Variants in KHDRBS3 observed in about 807,000 individuals in gnomAD.
KHDRBS3 encodes the protein KH domain-containing, RNA-binding, signal transduction-associated protein 3.
Under a neutral mutation model 45.6 loss-of-function variants are expected in KHDRBS3, and 23 were observed. The ratio of observed to expected loss-of-function variants is 0.50; its 90% CI spans 0.36 to 0.72. The LOEUF (loss-of-function observed/expected upper bound fraction) is 0.72. Among genes scored for constraint, KHDRBS3 ranks in the 30% least tolerant of loss-of-function variants. KHDRBS3 has a pLI of 0.00. For synonymous variants in KHDRBS3, 162 were observed against 156.5 expected, an observed-to-expected ratio of 1.04 and a Z score of -0.26; for missense variants, 352 against 424.8, an observed-to-expected ratio of 0.83 and a Z score of 1.51.
At chr8:135,467,052 G>C (rs1821732798) in intron 1 of KHDRBS3, among the ~76,000 whole-genome samples, 1 of 152,156 alleles carries the variant, frequency 6.6e-6, no homozygotes, top group African/African-American at 2.4e-5. Flanking sequence ...CCCTGATGTG[G>C]TTATTATGCA....
chr8:135,498,913 A>G (rs1015131003), intron 1 of KHDRBS3, among the ~76,000 whole-genome samples: 9 of 151,646 alleles, frequency 5.9e-5, no homozygotes, highest in Admixed American at 2.6e-4. Context: ...TGTCATGGAC[A>G]GAACTGGGTA....
At chr8:135,639,991 G>T in intron 7 of KHDRBS3, among the ~76,000 whole-genome samples, 1 of 152,182 alleles carries the variant, frequency 6.6e-6, no homozygotes, top group East Asian at 1.9e-4. Flanking sequence ...AGAAAAAAGT[G>T]GAGAGGGTTG....
At chr8:135,594,500 CAT>C (rs1828886093) in intron 6 of KHDRBS3, among the ~76,000 whole-genome samples, 1 of 152,170 alleles carries the variant, frequency 6.6e-6, no homozygotes, top group Admixed American at 6.5e-5. Context: ...GGGCTTATCA[CAT>C]GAGATTGTTA....
intron 2 of KHDRBS3, among the ~76,000 whole-genome samples, chr8:135,526,681 C>G (rs1750419590): frequency 6.6e-6 from 1 of 152,158 alleles, no homozygotes; most frequent in South Asian, 2.1e-4. Context: ...CAAGAGAGAA[C>G]TACTGTTTGT....
At chr8:135,481,619 T>C (rs1822584048) in intron 1 of KHDRBS3, among the ~76,000 whole-genome samples, 1 of 152,210 alleles carries the variant, frequency 6.6e-6, no homozygotes, top group Non-Finnish European at 1.5e-5. Flanking sequence ...ACCAGCCAAA[T>C]AATTTCTTTA....
intron 1 of KHDRBS3, among the ~76,000 whole-genome samples, chr8:135,493,394 A>G (rs1229888276): frequency 6.6e-6 from 1 of 152,162 alleles, no homozygotes; most frequent in Non-Finnish European, 1.5e-5. Context: ...GGGAAAAATC[A>G]TCCAATCTTT....
chr8:135,532,897 T>TATA (rs1825551218), intron 2 of KHDRBS3, among the ~76,000 whole-genome samples: 3 of 152,156 alleles, frequency 2.0e-5, no homozygotes, highest in African/African-American at 7.2e-5. Context: ...ACAGTGCAGG[T>TATA]CTCACAAAGG....
At chr8:135,466,134 CT>C (rs1821686148) in intron 1 of KHDRBS3, among the ~76,000 whole-genome samples, 1 of 152,110 alleles carries the variant, frequency 6.6e-6, no homozygotes, top group African/African-American at 2.4e-5. Flanking sequence ...ACGTGCATTG[CT>C]TTTGATTTTC....
At chr8:135,515,256 C>G (rs1824518609) in intron 1 of KHDRBS3, among the ~76,000 whole-genome samples, 1 of 150,900 alleles carries the variant, frequency 6.6e-6, no homozygotes, top group Non-Finnish European at 1.5e-5. Context: ...GTCCCAGCTA[C>G]TGGGGAGGCT....
chr8:135,475,833 C>T (rs534991099), intron 1 of KHDRBS3, among the ~76,000 whole-genome samples: 8 of 152,266 alleles, frequency 5.3e-5, no homozygotes, highest in South Asian at 4.2e-4. Flanking sequence ...AGTGAGAACA[C>T]AGGCTCTTCT....
At chr8:135,563,054 C>G (rs575784284) in intron 5 of KHDRBS3, among the ~76,000 whole-genome samples, 7 of 152,278 alleles carry the variant, frequency 4.6e-5, no homozygotes, top group African/African-American at 1.7e-4. Flanking sequence ...CCAGTCTAAT[C>G]CACACTACTC....
At chr8:135,516,198 A>G (rs2130620221) in intron 1 of KHDRBS3, among the ~76,000 whole-genome samples, 1 of 152,350 alleles carries the variant, frequency 6.6e-6, no homozygotes, top group South Asian at 2.1e-4. Flanking sequence ...ATACAGTGCA[A>G]AAGACAAAAC....
intron 1 of KHDRBS3, among the ~76,000 whole-genome samples, chr8:135,464,460 G>GCAGCCGA (rs1821594502): frequency 6.6e-6 from 1 of 152,176 alleles, no homozygotes; most frequent in Non-Finnish European, 1.5e-5. Context: ...AGTGCTCTTT[G>GCAGCCGA]TATTTTAATA....
chr8:135,598,237 T>C (rs1490718020), intron 6 of KHDRBS3, among the ~76,000 whole-genome samples: 4 of 152,224 alleles, frequency 2.6e-5, no homozygotes, highest in Non-Finnish European at 5.9e-5. Context: ...ATCTGACAGC[T>C]TGAGAGTGTT....
intron 1 of KHDRBS3, among the ~76,000 whole-genome samples, chr8:135,495,517 A>T (rs1457437306): frequency 6.6e-6 from 1 of 152,362 alleles, no homozygotes; most frequent in East Asian, 1.9e-4. Context: ...CAGGCAGAAC[A>T]TGATATCAGT....
intron 1 of KHDRBS3, among the ~76,000 whole-genome samples, chr8:135,503,219 T>C (rs1470669144): frequency 1.3e-5 from 2 of 152,254 alleles, no homozygotes; most frequent in African/African-American, 2.4e-5. Context: ...AAAACACTTT[T>C]CAATGTTAGG....
At chr8:135,523,418 GTT>G (rs61252148) in intron 2 of KHDRBS3, among the ~76,000 whole-genome samples, 12 of 151,560 alleles carry the variant, frequency 7.9e-5, no homozygotes, top group African/African-American at 2.9e-4. Context: ...CTATTTTCCA[GTT>G]TTTTTTCTAA....
rs1163434225 is a variant in KHDRBS3 at position 135,458,941 on chromosome 8, C to G, written c.88+987C>G. ...TTAAGCCTTCCTTCCTGGGAGCAGT[C>G]TCCTACTTTTCCTGGAATATGTGTT... On this transcript the variant is annotated intron_variant, in intron 1 of 8. Transcript: ENST00000355849. The G allele has an allele frequency of 8.8e-6, 4 of 456,142 alleles. No individual in the cohort carries two copies. In the Admixed American group the frequency reaches 9.4e-5, roughly 11 times the overall value. 28.3% of individuals were successfully genotyped at this position (456,142 alleles called of 1,614,324 possible).
At chr8:135,515,568 C>G (rs1482636901) in intron 1 of KHDRBS3, among the ~76,000 whole-genome samples, 1 of 151,694 alleles carries the variant, frequency 6.6e-6, no homozygotes, top group Non-Finnish European at 1.5e-5. Context: ...TATATTTACC[C>G]TCTGGCTTTG....
Sources: allele counts gnomAD v4.1 joint callset (sites outside exome capture counted in the v4.1 genomes callset), GRCh38; gene constraint gnomAD v4.1.1; transcripts MANE v1.5; gene names NCBI Gene and HGNC (gene_info 2026-07-23, HGNC 2026-07-21).